Variants in INSR observed in about 807,000 individuals in gnomAD.
INSR encodes IR.
INSR carries 67 observed loss-of-function variants against 142.6 expected under a neutral mutation model. The observed-to-expected ratio is 0.47, with a 90% CI of 0.39 to 0.58. INSR has a LOEUF of 0.58. Among genes scored for constraint, INSR ranks in the 20% least tolerant of loss-of-function variants. INSR has a pLI of 0.00. For missense variants in INSR, 1,248 were observed against 1,833.2 expected, an observed-to-expected ratio of 0.68 and a Z score of 5.83; for synonymous variants, 756 against 743.1, an observed-to-expected ratio of 1.02 and a Z score of -0.28.
chr19:7,174,205 C>G (rs1974083701), intron 4 of INSR, among the ~76,000 whole-genome samples: 1 of 151,874 alleles, frequency 6.6e-6, no homozygotes, highest in East Asian at 1.9e-4. Flanking sequence ...GGTAGGAGGA[C>G]TGCATGAGCC....
intron 1 of INSR, among the ~76,000 whole-genome samples, chr19:7,289,279 G>A (rs1968426510): frequency 6.6e-6 from 1 of 152,068 alleles, no homozygotes; most frequent in South Asian, 2.1e-4. Flanking sequence ...AGGGCAGGGA[G>A]GACTGGCCTG....
intron 2 of INSR, among the ~76,000 whole-genome samples, chr19:7,234,538 T>C (rs1976096705): frequency 6.6e-6 from 1 of 152,150 alleles, no homozygotes; most frequent in African/African-American, 2.4e-5. Flanking sequence ...GGAGGATGTA[T>C]GTAGGTTATG....
intron 1 of INSR, among the ~76,000 whole-genome samples, chr19:7,289,031 A>C (rs1371430535): frequency 2.0e-5 from 3 of 151,916 alleles, no homozygotes; most frequent in Non-Finnish European, 4.4e-5. Context: ...CCAACATCTT[A>C]GCCCAGGTAG....
In INSR at chr19:7,252,415, A is replaced by C. The variant is rs1213231079; in HGVS notation, c.652+14930T>G. On this transcript the variant is annotated intron_variant, in intron 2 of 21. Coordinates refer to ENST00000302850, the MANE Select transcript of INSR (RefSeq NM_000208.4). ...AGCAAGACTCCATCTCAAAAAAAAA[A>C]CAAATTTAAAGAAAAGGAATCTTGA... Among the ~76,000 whole-genome samples, 7 of 152,054 alleles carry C rather than the reference A, an allele frequency of 4.6e-5. No homozygotes were observed. The East Asian group carries it at 1.3e-3, about 29-fold the overall frequency.
At chr19:7,129,056 C>T in intron 14 of INSR, 102 bp from the exon 15 acceptor site, 1 of 825,988 alleles carries the variant, frequency 1.2e-6, no homozygotes, top group Non-Finnish European at 2.0e-6. Context: ...CCACCCTGTT[C>T]CTTCCCTCCC....
intron 2 of INSR, among the ~76,000 whole-genome samples, chr19:7,207,144 G>A (rs866377890): frequency 3.3e-5 from 5 of 152,100 alleles, no homozygotes; most frequent in Admixed American, 1.3e-4. Context: ...GGCCAGGCAC[G>A]GTGGTTCACG....
intron 19 of INSR, 126 bp from the exon 20 acceptor site, chr19:7,120,875 G>A: frequency 5.1e-6 from 6 of 1,172,842 alleles, no homozygotes; most frequent in Non-Finnish European, 7.6e-6. Context: ...GCGCTCACCT[G>A]GGTGGTGGCC....
At chr19:7,255,012 G>A (rs1405385468) in intron 2 of INSR, among the ~76,000 whole-genome samples, 6 of 95,502 alleles carry the variant, frequency 6.3e-5, no homozygotes, top group Non-Finnish European at 1.1e-4. Flanking sequence ...AGCCTCCCCC[G>A]GCCCCCCTCC....
intron 2 of INSR, among the ~76,000 whole-genome samples, chr19:7,261,913 C>T (rs1057093996): frequency 2.6e-5 from 4 of 152,106 alleles, no homozygotes; most frequent in Non-Finnish European, 4.4e-5. Context: ...GGATGTTGCT[C>T]GGAATTGCTT....
In INSR at chr19:7,176,417, A is replaced by G. The variant is rs529588650; in HGVS notation, c.975-1686T>C. Among the ~76,000 whole-genome samples the G allele has an allele frequency of 2.7e-3, 411 of 152,318 alleles. 2 individuals are homozygous for G. The highest frequency in any genetic ancestry group is 9.5e-3 in the African/African-American group (394 of 41,568). ...GGAGTTCGAGACCAGCCTGGCCAACATGGTGAAACCCCGTCTCTACTAAAA... is the reference window on the plus strand; with the variant it reads ...GGAGTTCGAGACCAGCCTGGCCAACGTGGTGAAACCCCGTCTCTACTAAAA... On this transcript the variant is annotated intron_variant, in intron 3 of 21. Transcript: ENST00000302850.
At chr19:7,156,142 C>T (rs1297935718) in intron 9 of INSR, among the ~76,000 whole-genome samples, 2 of 143,766 alleles carry the variant, frequency 1.4e-5, no homozygotes, top group East Asian at 4.3e-4. Context: ...CTCACTGCAG[C>T]CTCCGCCTCC....
At chr19:7,142,389 C>CAAAAAAAAAAAAAAAAA (rs34453877) in intron 12 of INSR, among the ~76,000 whole-genome samples, 5 of 42,142 alleles carry the variant, frequency 1.2e-4, no homozygotes, top group East Asian at 1.0e-3. Flanking sequence ...GACTTCATCT[C>CAAAAAAAAAAAAAAAAA]AAAAAAAAAA....
intron 2 of INSR, among the ~76,000 whole-genome samples, chr19:7,210,002 C>T (rs1216182977): frequency 6.6e-6 from 1 of 151,854 alleles, no homozygotes; most frequent in African/African-American, 2.4e-5. Flanking sequence ...TGAACGTGAC[C>T]ACAGAAGAAA....
Position 7,168,326 on chromosome 19 carries a change from T to A in INSR, c.1484-232A>T, listed in dbSNP as rs73503046. On this transcript the variant is annotated intron_variant, in intron 6 of 21. Coordinates refer to ENST00000302850, the MANE Select transcript of INSR (RefSeq NM_000208.4). The surrounding 1 kb of genome is among the most constrained non-coding windows in gnomAD (Gnocchi z 4.3). ...CACTCACGTAAGCCAATGACTTGACTCAGCCAGACAGTCAACTGAATAAGC... is the reference window on the plus strand; with the variant it reads ...CACTCACGTAAGCCAATGACTTGACACAGCCAGACAGTCAACTGAATAAGC... 0.054 allele frequency among the ~76,000 whole-genome samples: 8,195 copies of A among 152,194 alleles called. 286 individuals carry two copies. The highest frequency in any genetic ancestry group is 0.074 in the Non-Finnish European group (5,053 of 68,010).
chr19:7,275,101 G>A (rs1372138238), intron 1 of INSR, among the ~76,000 whole-genome samples: 12 of 151,554 alleles, frequency 7.9e-5, no homozygotes, highest in African/African-American at 2.4e-4. Context: ...TCAGCCTCCC[G>A]AGTAGTTGGT....
intron 2 of INSR, among the ~76,000 whole-genome samples, chr19:7,253,501 G>A (rs1387313332): frequency 6.6e-6 from 1 of 151,986 alleles, no homozygotes; most frequent in Non-Finnish European, 1.5e-5. Flanking sequence ...GCCTCCCCGA[G>A]TGCTGGGATT....
rs779572925 is a variant in INSR, at chr19:7,162,844, AAAAT to A, written c.2029+184_2029+187del. ...TCAAAAAAGTAAATAAATAAAAAAT[AAAAT>A]AAATAAATAAATAGATAAAAACATG... On this transcript the variant is annotated intron_variant, in intron 9 of 21. Coordinates refer to ENST00000302850, the MANE Select transcript of INSR (RefSeq NM_000208.4). Among the ~76,000 whole-genome samples, 18 of 152,264 alleles carry A rather than the reference AAAAT, an allele frequency of 1.2e-4. No individual in the cohort carries two copies. The East Asian group carries it at 2.5e-3, about 21-fold the overall frequency.
chr19:7,186,451 C>T (rs1974433322), intron 2 of INSR, among the ~76,000 whole-genome samples: 1 of 152,048 alleles, frequency 6.6e-6, no homozygotes, highest in African/African-American at 2.4e-5. Flanking sequence ...GTGCTTAGTG[C>T]AACTAGGAAA....
At chr19:7,252,983 CG>C (rs1568220047) in intron 2 of INSR, among the ~76,000 whole-genome samples, 1 of 151,882 alleles carries the variant, frequency 6.6e-6, no homozygotes. Flanking sequence ...GGCGTGGTGG[CG>C]GGCGCCTGTA....
Sources: gnomAD v4.1 joint callset for allele counts (sites outside exome capture counted in the v4.1 genomes callset) on GRCh38, gnomAD v4.1.1 for gene constraint, Gnocchi (gnomAD v3.1) non-coding constraint, MANE v1.5 for transcripts, NCBI Gene and HGNC (gene_info 2026-07-23, HGNC 2026-07-21) for gene names.